The following RFC1 variants were observed in gnomAD, a reference collection of about 807,000 sequenced individuals.
RFC1 encodes replication factor C subunit 1, also known as A1 140 kDa subunit.
RFC1 carries 37 observed loss-of-function variants against 137.4 expected under a neutral mutation model. The observed-to-expected ratio is 0.27, with a 90% confidence interval of 0.21 to 0.35. The LOEUF (loss-of-function observed/expected upper bound fraction) is 0.35. RFC1 is among the 10% of genes least tolerant of loss of function. The probability of loss-of-function intolerance (pLI) is 1.00; values close to 1 mark genes in which losing one functional copy is unlikely to be tolerated. For missense variants in RFC1, 1,205 were observed against 1,358.5 expected (o/e 0.89, Z 1.78); for synonymous variants, 429 against 455.7 (o/e 0.94, Z 0.75).
At chr4:39,336,987 A>G (rs1312667514) in intron 4 of RFC1, among the ~76,000 whole-genome samples, 2 of 152,260 alleles carry the variant, frequency 1.3e-5, no homozygotes, top group Non-Finnish European at 2.9e-5. Context: ...ACTAGATGAC[A>G]TGAAAAAATA....
At chr4:39,322,377 C>T (rs1320353785) in intron 7 of RFC1, 1 of 151,750 alleles carries the variant, frequency 6.6e-6, no homozygotes, top group Non-Finnish European at 1.5e-5. Flanking sequence ...CACTGCACTC[C>T]AGCGTGGGTG....
intron 15 of RFC1, 147 bp from the exon 16 acceptor site, chr4:39,303,298 G>T: frequency 8.9e-4 from 359 of 405,354 alleles, no homozygotes; most frequent in Middle Eastern, 2.0e-3. Flanking sequence ...TGTTGTTAAA[G>T]AAAAAAAAAA....
intron 19 of RFC1, among the ~76,000 whole-genome samples, chr4:39,301,222 A>G (rs1331208293): frequency 6.6e-6 from 1 of 152,232 alleles, no homozygotes; most frequent in African/African-American, 2.4e-5. Context: ...CACATTCTGG[A>G]AAAGGCAAAA....
intron 21 of RFC1, among the ~76,000 whole-genome samples, chr4:39,297,939 A>G (rs1253881537): frequency 6.6e-6 from 1 of 152,204 alleles, no homozygotes; most frequent in Non-Finnish European, 1.5e-5. Context: ...ATTTTTGTAC[A>G]TTAAGCTTTT....
chr4:39,351,407 C>T lies in RFC1; in HGVS notation c.73G>A (p.Glu25Lys). The T allele has an allele frequency of 1.3e-6, 2 of 1,574,388 alleles. No homozygotes were observed. The highest frequency in any genetic ancestry group is 2.4e-5 in the South Asian group (2 of 83,782). The change falls in exon 2 of 25, where the codon GAG becomes AAG. Residue 25 changes from glutamate (E) to lysine (K), a missense_variant. Physicochemically the swap from Glu to Lys is moderately conservative, Grantham distance 56. Transcript: ENST00000349703. ...KLVSETVKKN[E>K]KTKSDEETLK... is the part of the protein sequence containing the mutation. ...GTTTCTTCATCAGACTTTGTTTTCT[C>T]ATTCTTCTTTACTGTTTCACTTACA...
intron 6 of RFC1, among the ~76,000 whole-genome samples, chr4:39,324,134 G>A (rs1048357641): frequency 1.3e-5 from 2 of 151,950 alleles, no homozygotes; most frequent in Admixed American, 1.3e-4. Context: ...ATGCTCCCTG[G>A]TAAAATGGCC....
intron 21 of RFC1, among the ~76,000 whole-genome samples, chr4:39,299,070 C>T (rs978296390): frequency 6.6e-6 from 1 of 152,194 alleles, no homozygotes; most frequent in African/African-American, 2.4e-5. Flanking sequence ...CCTGGCCCGC[C>T]CAGGGCAGAA....
rs570564336 is a variant in RFC1, at chr4:39,301,422, A to C, written c.2535+856T>G. Among the ~76,000 whole-genome samples the C allele has an allele frequency of 3.3e-5, 5 of 152,232 alleles. No individual in the cohort carries two copies. In the South Asian group the frequency reaches 1.0e-3, roughly 32 times the overall value. On this transcript the variant is annotated intron_variant, in intron 19 of 24. Coordinates refer to ENST00000349703, the MANE Select transcript of RFC1 (RefSeq NM_002913.5). ...AACACCAAGAGGGAATGCTAATGTC[A>C]ACTACGGACTCTGGGTGATAATGAG... is the stretch of plus-strand genomic sequence containing the variant.
chr4:39,338,027 G>A (rs1210170441), intron 4 of RFC1, among the ~76,000 whole-genome samples: 5 of 152,120 alleles, frequency 3.3e-5, no homozygotes, highest in South Asian at 2.1e-4. Context: ...GTCAATCTTC[G>A]CCAAACAAGA....
intron 1 of RFC1, among the ~76,000 whole-genome samples, chr4:39,352,355 C>G (rs796235478): frequency 6.6e-6 from 1 of 152,154 alleles, no homozygotes; most frequent in Admixed American, 6.5e-5. Context: ...TTTAATTACC[C>G]GTGTTAAACC....
intron 4 of RFC1, 80 bp downstream of exon 4, chr4:39,342,265 A>T: frequency 7.6e-6 from 11 of 1,438,540 alleles, no homozygotes; most frequent in Non-Finnish European, 9.4e-6. Context: ...ATTCAAAGTG[A>T]AGGAGGTACA....
chr4:39,365,084 T>G (rs1249964906), intron 1 of RFC1, among the ~76,000 whole-genome samples: 1 of 144,244 alleles, frequency 6.9e-6, no homozygotes, highest in Non-Finnish European at 1.5e-5. Flanking sequence ...ACTAGTTATA[T>G]GATACACTGT....
chr4:39,323,747 T>C (rs1435985626), intron 6 of RFC1, among the ~76,000 whole-genome samples: 1 of 152,210 alleles, frequency 6.6e-6, no homozygotes, highest in Non-Finnish European at 1.5e-5. Flanking sequence ...TTTCTATTTA[T>C]TATCTAAAAA....
At chr4:39,363,269 T>C (rs1303213940) in intron 1 of RFC1, among the ~76,000 whole-genome samples, 1 of 152,228 alleles carries the variant, frequency 6.6e-6, no homozygotes, top group Non-Finnish European at 1.5e-5. Context: ...CTTTTATTTT[T>C]AATTTTCTTT....
chr4:39,328,877 T>C (rs969679451), intron 4 of RFC1, among the ~76,000 whole-genome samples: 4 of 152,006 alleles, frequency 2.6e-5, no homozygotes, highest in Non-Finnish European at 4.4e-5. Flanking sequence ...AGGCTTGGAC[T>C]GTGGTGGTAT....
chr4:39,325,056 C>T (rs1026339770), intron 6 of RFC1, among the ~76,000 whole-genome samples: 1 of 152,218 alleles, frequency 6.6e-6, no homozygotes, highest in African/African-American at 2.4e-5. Flanking sequence ...CCTCCTTTTC[C>T]TGACCTCTAA....
intron 7 of RFC1, among the ~76,000 whole-genome samples, chr4:39,322,115 T>C (rs1392807296): frequency 1.3e-5 from 2 of 151,846 alleles, no homozygotes; most frequent in Admixed American, 1.3e-4. Context: ...AAAATAAAAA[T>C]AAAAAAATTA....
chr4:39,299,879 C>T, intron 21 of RFC1, 142 bp downstream of exon 21: 3 of 619,616 alleles, frequency 4.8e-6, no homozygotes, highest in South Asian at 2.0e-5. Flanking sequence ...CATACCACTA[C>T]ACTCCAGCCC....
intron 10 of RFC1, among the ~76,000 whole-genome samples, chr4:39,314,777 T>A (rs1312446623): frequency 1.3e-5 from 2 of 152,128 alleles, no homozygotes; most frequent in African/African-American, 4.8e-5. Context: ...TATATGTACT[T>A]ATATATACCA....
Sources: allele counts gnomAD v4.1 joint callset (sites outside exome capture counted in the v4.1 genomes callset), GRCh38; gene constraint gnomAD v4.1.1; transcripts MANE v1.5; gene names NCBI Gene and HGNC (gene_info 2026-07-23, HGNC 2026-07-21).